Variants in WASHC4 observed in about 807,000 individuals in gnomAD.
WASHC4 encodes the protein WASH complex subunit 4.
In WASHC4, 86 loss-of-function variants were observed where a neutral mutation model predicts 166.6. The ratio of observed to expected loss-of-function variants is 0.52; its 90% CI spans 0.43 to 0.62. WASHC4 has a LOEUF of 0.62. Among genes scored for constraint, WASHC4 ranks in the 20% least tolerant of loss-of-function variants. The pLI is 0.00. For synonymous variants in WASHC4, 446 were observed against 451.6 expected (o/e 0.99, Z 0.16); for missense variants, 1,262 against 1,382.4 (o/e 0.91, Z 1.38).
intron 26 of WASHC4, 146 bp downstream of exon 26, chr12:105,152,597 T>C (rs534286875): frequency 4.5e-6 from 3 of 662,216 alleles, no homozygotes; most frequent in East Asian, 5.5e-5. Context: ...CCCCCAAAAT[T>C]TGTAAGTATG....
At chr12:105,134,106 G>C (rs1882101927) in intron 14 of WASHC4, among the ~76,000 whole-genome samples, 2 of 152,000 alleles carry the variant, frequency 1.3e-5, no homozygotes, top group South Asian at 4.1e-4. Context: ...CTATTTAGCT[G>C]TATCGTAGAA....
chr12:105,144,476 C>A (rs200798414), intron 21 of WASHC4, 21 bp downstream of exon 21: 30 of 1,566,338 alleles, frequency 1.9e-5, no homozygotes, highest in Non-Finnish European at 1.9e-5. Flanking sequence ...TGCTTTCCTT[C>A]TTAGAGTCAT....
Position 105,160,037 on chromosome 12 carries a change from T to C in WASHC4, c.2949T>C (p.Asn983=). Residue 983 remains asparagine, a synonymous_variant, in exon 29 of 33, where the codon AAT becomes AAC. Transcript: ENST00000332180. The part of the protein sequence containing the change: ...LDSVLSDHTR[N]SAEGTEYFKM... ...CAGTCCTCAGTGATCACACACGAAATTCTGCCGAAGGCACAGAATATTTCA... is the reference window on the plus strand; with the variant it reads ...CAGTCCTCAGTGATCACACACGAAACTCTGCCGAAGGCACAGAATATTTCA... The C allele has an allele frequency of 6.2e-7, 1 of 1,614,130 alleles. No homozygotes were observed. Among genetic ancestry groups the C allele is most frequent in the Non-Finnish European group, 8.5e-7 (1 of 1,179,960 alleles).
intron 18 of WASHC4, 26 bp downstream of exon 18, chr12:105,141,272 G>A (rs1478175955): frequency 1.4e-6 from 2 of 1,388,410 alleles, no homozygotes; most frequent in Admixed American, 1.7e-5. Flanking sequence ...ATATGCTGTG[G>A]TACTCCAAAG....
At chr12:105,159,334 T>C (rs17036687) in intron 28 of WASHC4, among the ~76,000 whole-genome samples, 8,510 of 152,164 alleles carry the variant, frequency 0.056, 804 homozygotes, top group African/African-American at 0.19. Flanking sequence ...GTCAAGGAAA[T>C]GTAGGGTCAT....
chr12:105,120,092 CA>C (rs1156687463), intron 7 of WASHC4, among the ~76,000 whole-genome samples: 3 of 151,928 alleles, frequency 2.0e-5, no homozygotes, highest in African/African-American at 7.3e-5. Flanking sequence ...CAAAACAAAA[CA>C]AAAAAACAAA....
chr12:105,165,519 C>T (rs1215426174), intron 32 of WASHC4, among the ~76,000 whole-genome samples: 1 of 152,092 alleles, frequency 6.6e-6, no homozygotes, highest in East Asian at 1.9e-4. Context: ...CTAGTTAACC[C>T]TTATAATTTT....
chr12:105,113,128 T>A (rs994092115), intron 2 of WASHC4, among the ~76,000 whole-genome samples: 55 of 152,102 alleles, frequency 3.6e-4, no homozygotes, highest in African/African-American at 1.2e-3. Context: ...TGTATGTAAG[T>A]TATAGGAACT....
intron 14 of WASHC4, among the ~76,000 whole-genome samples, chr12:105,134,855 G>C (rs1247461575): frequency 1.3e-5 from 2 of 151,520 alleles, no homozygotes; most frequent in Admixed American, 1.3e-4. Flanking sequence ...CTGACTAGTT[G>C]CTTTGTATTT....
intron 6 of WASHC4, among the ~76,000 whole-genome samples, chr12:105,116,064 T>G (rs1189498616): frequency 6.6e-6 from 1 of 152,148 alleles, no homozygotes; most frequent in African/African-American, 2.4e-5. Context: ...ATTAAGCTAT[T>G]ACATGAGCAA....
At chr12:105,144,528 C>T in intron 21 of WASHC4, 73 bp downstream of exon 21, 2 of 1,321,400 alleles carry the variant, frequency 1.5e-6, no homozygotes, top group South Asian at 1.3e-5. Context: ...TTAAACAAAA[C>T]TTTGAGGGTA....
chr12:105,136,204 C>T (rs568221457), intron 14 of WASHC4, among the ~76,000 whole-genome samples: 51 of 152,198 alleles, frequency 3.4e-4, no homozygotes, highest in African/African-American at 1.2e-3. Flanking sequence ...AAACCAGCTC[C>T]GATGAGCCCC....
chr12:105,149,751 T>TAGG lies in WASHC4; in HGVS notation c.2649+3_2649+5dup. 6.3e-7 allele frequency: 1 copy of TAGG among 1,592,808 alleles called. No individual in the cohort carries two copies. Among genetic ancestry groups the TAGG allele is most frequent in the Non-Finnish European group, 8.6e-7 (1 of 1,164,858 alleles). On this transcript the variant is annotated splice_region_variant and intron_variant, in intron 25 of 32. Coordinates refer to ENST00000332180, the MANE Select transcript of WASHC4 (RefSeq NM_015275.3). ...ATTAAGGACCAAAATGATCATAAGG[T>TAGG]AGGCTACCTATTCTTTTTAAGGTAT...
At chr12:105,108,798 T>C (rs1565987305) in intron 1 of WASHC4, among the ~76,000 whole-genome samples, 1 of 152,086 alleles carries the variant, frequency 6.6e-6, no homozygotes, top group Non-Finnish European at 1.5e-5. Flanking sequence ...AAATTCCGGA[T>C]GAATTTTGCT....
intron 6 of WASHC4, 64 bp from the exon 7 acceptor site, chr12:105,118,382 T>C: frequency 8.7e-7 from 1 of 1,146,786 alleles, no homozygotes; most frequent in Non-Finnish European, 1.3e-6. Flanking sequence ...TACCATAAAA[T>C]TCAGTAAAAA....
intron 8 of WASHC4, 96 bp downstream of exon 8, chr12:105,120,693 C>A: frequency 1.2e-6 from 1 of 865,520 alleles, no homozygotes; most frequent in Non-Finnish European, 2.0e-6. Context: ...CATAGGAACA[C>A]TCTTAAAGAG....
chr12:105,129,020 A>C (rs1369097052), intron 13 of WASHC4, among the ~76,000 whole-genome samples: 1 of 146,584 alleles, frequency 6.8e-6, no homozygotes, highest in East Asian at 2.0e-4. Context: ...ATCTCGGCTC[A>C]CTGCAACCTC....
intron 30 of WASHC4, 130 bp from the exon 31 acceptor site, chr12:105,163,981 G>GCTGTA: frequency 1.2e-6 from 1 of 825,408 alleles, no homozygotes; most frequent in East Asian, 2.6e-5. Context: ...AATGTAACTT[G>GCTGTA]AAACGGGACA....
In WASHC4 at chr12:105,107,742, T is replaced by A. The variant is rs553321532; in HGVS notation, c.-59T>A. On this transcript the variant is annotated 5_prime_UTR_variant, in exon 1 of 33. Coordinates refer to ENST00000332180, the MANE Select transcript of WASHC4 (RefSeq NM_015275.3). ...TCACGTGCTGTGACAGTAGCTGGGG[T>A]GAGGCCGTCGTCGCCGCACGGGCTG... 1.1e-5 allele frequency: 14 copies of A among 1,277,038 alleles called. No individual in the cohort carries two copies. The highest frequency in any genetic ancestry group is 1.5e-5 in the African/African-American group (1 of 67,070). 79.1% of individuals were successfully genotyped at this position (1,277,038 alleles called of 1,614,324 possible).
Sources: gnomAD v4.1 joint callset for allele counts (sites outside exome capture counted in the v4.1 genomes callset) on GRCh38, gnomAD v4.1.1 for gene constraint, MANE v1.5 for transcripts, NCBI Gene and HGNC (gene_info 2026-07-23, HGNC 2026-07-21) for gene names.